Variants in SLC38A12 observed in about 807,000 individuals in gnomAD.
The protein encoded by SLC38A12 is putative sodium-coupled neutral amino acid transporter 12.
the SLC38A12 span, chr17:74,777,583 T>C: frequency 2.0e-6 from 3 of 1,516,022 alleles, no homozygotes; most frequent in South Asian, 2.4e-5. Flanking sequence ...TTAAGGTGTT[T>C]GTCAGAGTGG....
the SLC38A12 span, among the ~76,000 whole-genome samples, chr17:74,794,613 T>C: frequency 6.6e-6 from 1 of 151,878 alleles, no homozygotes; most frequent in African/African-American, 2.4e-5. Context: ...TAGAGCCCGG[T>C]GTTGGCTGAC....
At chr17:74,790,223 C>G in the SLC38A12 span, 5 of 1,614,120 alleles carry the variant, frequency 3.1e-6, no homozygotes, top group Non-Finnish European at 4.2e-6. Context: ...ACGACTCCTC[C>G]ACAGCCTCAG....
At chr17:74,782,073 C>T in the SLC38A12 span, among the ~76,000 whole-genome samples, 4,750 of 152,212 alleles carry the variant, frequency 0.031, 238 homozygotes, top group African/African-American at 0.11. Context: ...TGCTTCATAA[C>T]GCCTCTCTCA....
At chr17:74,795,025 G>A in the SLC38A12 span, 24 of 1,613,840 alleles carry the variant, frequency 1.5e-5, no homozygotes, top group Non-Finnish European at 1.9e-5. Flanking sequence ...GGGTCAACTT[G>A]TTCTATTTCT....
the SLC38A12 span, among the ~76,000 whole-genome samples, chr17:74,829,871 C>T: frequency 2.0e-5 from 3 of 152,166 alleles, no homozygotes; most frequent in Admixed American, 1.3e-4. This position sits in a 1 kb window ranked among gnomAD's most constrained non-coding sequence, Gnocchi z 4.1. Flanking sequence ...GTAAGGAAGG[C>T]GGAGTCCTGC....
the SLC38A12 span, among the ~76,000 whole-genome samples, chr17:74,821,277 G>A: frequency 3.3e-5 from 5 of 152,232 alleles, no homozygotes; most frequent in East Asian, 1.9e-4. Flanking sequence ...GGCCTAGCCC[G>A]TCCTTGGGCA....
At chr17:74,793,412 C>G in the SLC38A12 span, among the ~76,000 whole-genome samples, 4 of 152,210 alleles carry the variant, frequency 2.6e-5, no homozygotes, top group Non-Finnish European at 2.9e-5. Flanking sequence ...ATTCCTGATT[C>G]ACAGACTGCC....
chr17:74,802,021 A>G, the SLC38A12 span, among the ~76,000 whole-genome samples: 45,485 of 151,474 alleles, frequency 0.3, 7,202 homozygotes, highest in East Asian at 0.46. Flanking sequence ...CTGTCTGAGC[A>G]CGGCCCCTGT....
chr17:74,797,576 A>G, the SLC38A12 span, among the ~76,000 whole-genome samples: 6 of 152,164 alleles, frequency 3.9e-5, no homozygotes, highest in Non-Finnish European at 5.9e-5. Flanking sequence ...GGAGAAATCA[A>G]GGCAGATGGG....
At chr17:74,823,782 G>T in the SLC38A12 span, among the ~76,000 whole-genome samples, 3 of 152,268 alleles carry the variant, frequency 2.0e-5, no homozygotes, top group Non-Finnish European at 4.4e-5. Context: ...CTCTGTGCCA[G>T]GTGGCGCACC....
chr17:74,838,466 C>T, the SLC38A12 span: 2 of 1,023,796 alleles, frequency 2.0e-6, no homozygotes, highest in African/African-American at 1.7e-5. Context: ...TCCTGCCACC[C>T]GAGGCTCCAA....
the SLC38A12 span, among the ~76,000 whole-genome samples, chr17:74,783,195 C>T: frequency 3.3e-5 from 5 of 152,216 alleles, no homozygotes; most frequent in African/African-American, 7.2e-5. Context: ...CTCAGACTCA[C>T]GTCAGAGATA....
the SLC38A12 span, chr17:74,837,633 G>A: frequency 2.6e-5 from 26 of 985,532 alleles, no homozygotes; most frequent in Non-Finnish European, 3.1e-5. Flanking sequence ...GCTCCCTTAG[G>A]GGCTGAGCGT....
At chr17:74,796,361 G>T in the SLC38A12 span, among the ~76,000 whole-genome samples, 2 of 152,218 alleles carry the variant, frequency 1.3e-5, no homozygotes, top group African/African-American at 2.4e-5. Context: ...AAATTTAGGT[G>T]TGCTAGGTGA....
chr17:74,839,050 G>T, the SLC38A12 span: 4 of 1,535,690 alleles, frequency 2.6e-6, no homozygotes, highest in South Asian at 4.8e-5. Flanking sequence ...AGGTCAAGGT[G>T]GGAGTAAACT....
At chr17:74,789,543 CAAAAAAAA>C in the SLC38A12 span, among the ~76,000 whole-genome samples, 107 of 110,708 alleles carry the variant, frequency 9.7e-4, 3 homozygotes, top group African/African-American at 3.2e-3. Context: ...GCAAGCATTT[CAAAAAAAA>C]AAAAAAAAAA....
chr17:74,835,697 CCAGGCCCCCTGCTCAGCAGGGA>C, the SLC38A12 span, among the ~76,000 whole-genome samples: 2 of 152,202 alleles, frequency 1.3e-5, no homozygotes, highest in Non-Finnish European at 2.9e-5. Context: ...CCCCACATAC[CCAGGCCCCCTGCTCAGCAGGGA>C]GAGGGGAGAA....
the SLC38A12 span, among the ~76,000 whole-genome samples, chr17:74,805,094 C>T: frequency 6.6e-6 from 1 of 152,272 alleles, no homozygotes; most frequent in African/African-American, 2.4e-5. This position sits in a 1 kb window ranked among gnomAD's most constrained non-coding sequence, Gnocchi z 5.0. Flanking sequence ...GAGGAGAATT[C>T]TGTGTGCTTT....
At chr17:74,792,635 C>T in the SLC38A12 span, among the ~76,000 whole-genome samples, 4 of 152,332 alleles carry the variant, frequency 2.6e-5, no homozygotes, top group African/African-American at 9.6e-5. Flanking sequence ...TCTTTCTAGT[C>T]TTAAATGTGG....
Sources: gnomAD v4.1 joint callset for allele counts (sites outside exome capture counted in the v4.1 genomes callset) on GRCh38, gnomAD v4.1.1 for gene constraint, Gnocchi (gnomAD v3.1) non-coding constraint, MANE v1.5 for transcripts, NCBI Gene and HGNC (gene_info 2026-07-23, HGNC 2026-07-21) for gene names.